The following WDTC1 variants were observed in gnomAD, a reference collection of about 807,000 sequenced individuals.
The protein encoded by WDTC1 is WD and tetratricopeptide repeats protein 1.
WDTC1 carries 12 observed loss-of-function variants against 76.0 expected under a neutral mutation model. The observed-to-expected ratio is 0.16, with a 90% CI of 0.10 to 0.26. The LOEUF (loss-of-function observed/expected upper bound fraction) is 0.26, where lower values mean the gene tolerates loss of function less well. WDTC1 is among the 10% of genes least tolerant of loss of function. WDTC1 has a pLI of 1.00. For synonymous variants in WDTC1, 326 were observed against 350.8 expected (o/e 0.93, Z 0.79); for missense variants, 511 against 908.8 (o/e 0.56, Z 5.63).
intron 1 of WDTC1, 70 bp from the exon 2 acceptor site, chr1:27,260,886 G>GGGGT: frequency 1.4e-6 from 1 of 727,454 alleles, no homozygotes; most frequent in Non-Finnish European, 2.2e-6. Flanking sequence ...GGCTGTTTTA[G>GGGGT]GGGTGGAATT....
intron 3 of WDTC1, among the ~76,000 whole-genome samples, chr1:27,276,692 CG>C (rs1557494751): frequency 7.0e-6 from 1 of 142,428 alleles, no homozygotes; most frequent in African/African-American, 2.6e-5. Context: ...GACTTCGTCT[CG>C]AAAAAAAAAA....
chr1:27,308,174 C>T lies in WDTC1; in HGVS notation c.*1791C>T, dbSNP rs1177962941. 2.0e-5 allele frequency: 3 copies of T among 152,206 alleles called. No individual in the cohort carries two copies. Among genetic ancestry groups the T allele is most frequent in the East Asian group, 1.9e-4 (1 of 5,184 alleles). The allele number at this position is 152,206 out of a possible 1,614,324, so 9.4% of individuals were successfully genotyped here. On this transcript the variant is annotated 3_prime_UTR_variant, in exon 16 of 16. Coordinates refer to ENST00000319394, the MANE Select transcript of WDTC1 (RefSeq NM_001276252.2). The stretch of plus-strand genomic sequence containing the variant: ...CTTACTGTCCTCTGGGGGCAGGAGC[C>T]GAGCCTTTTTGTTGCTCCGCTCCCA...
chr1:27,256,704 A>G (rs375154312), intron 1 of WDTC1, among the ~76,000 whole-genome samples: 2 of 152,260 alleles, frequency 1.3e-5, no homozygotes, highest in South Asian at 2.1e-4. Flanking sequence ...GAGCAAGGAC[A>G]TTGCCTGTTT....
intron 2 of WDTC1, among the ~76,000 whole-genome samples, chr1:27,262,823 A>G (rs576565167): frequency 6.6e-6 from 1 of 151,962 alleles, no homozygotes; most frequent in Admixed American, 6.6e-5. Context: ...TTTGTGTGCA[A>G]TATGTGTCCT....
intron 3 of WDTC1, among the ~76,000 whole-genome samples, chr1:27,281,937 G>A (rs1465566077): frequency 6.6e-6 from 1 of 152,090 alleles, no homozygotes; most frequent in East Asian, 1.9e-4. Flanking sequence ...AATGTGTTTG[G>A]ATCTCACTTT....
At chr1:27,270,919 C>T (rs555394570) in intron 3 of WDTC1, among the ~76,000 whole-genome samples, 1 of 152,218 alleles carries the variant, frequency 6.6e-6, no homozygotes, top group Admixed American at 6.5e-5. Flanking sequence ...ATCATTCTAA[C>T]TAGTGAAAAG....
rs746727595 is a variant in WDTC1 at position 27,294,009 on chromosome 1, TC to T, written c.663-11del. 1.2e-6 allele frequency: 2 copies of T among 1,613,250 alleles called. No individual in the cohort carries two copies. The highest frequency in any genetic ancestry group is 8.5e-7 in the Non-Finnish European group (1 of 1,179,540). On this transcript the variant is annotated splice_polypyrimidine_tract_variant and intron_variant, in intron 7 of 15. Coordinates refer to ENST00000319394, the MANE Select transcript of WDTC1 (RefSeq NM_001276252.2). ...GCTGTAACTTTAACCTATATGATTT[TC>T]CTTCCCACCAGAAAGAGCATGAAGC...
chr1:27,296,260 C>G, intron 9 of WDTC1, 66 bp from the exon 10 acceptor site: 1 of 1,585,990 alleles, frequency 6.3e-7, no homozygotes, highest in African/African-American at 1.3e-5. Context: ...CCAAGACCTG[C>G]TTACTGGTTC....
intron 6 of WDTC1, among the ~76,000 whole-genome samples, chr1:27,289,060 G>A (rs895765777): frequency 2.7e-5 from 4 of 148,176 alleles, no homozygotes; most frequent in African/African-American, 7.4e-5. Flanking sequence ...TCCCGGACGG[G>A]GCGGCTGGCC....
At chr1:27,234,512 G>C, upstream of WDTC1, 1 of 355,932 alleles carries the variant, frequency 2.8e-6, no homozygotes, top group Non-Finnish European at 5.0e-6. Flanking sequence ...GGGCGCGGGG[G>C]GGTAAGTGGG....
intron 3 of WDTC1, among the ~76,000 whole-genome samples, chr1:27,268,624 G>A (rs1440113615): frequency 1.3e-5 from 2 of 151,958 alleles, no homozygotes; most frequent in Middle Eastern, 3.4e-3. Flanking sequence ...TCACCATGTT[G>A]GTCAGGCTGG....
At chr1:27,289,047 C>T (rs1470976891) in intron 6 of WDTC1, among the ~76,000 whole-genome samples, 26 of 148,748 alleles carry the variant, frequency 1.7e-4, no homozygotes, top group Admixed American at 1.3e-3. Context: ...CCCCCCACCT[C>T]CCTCCCGGAC....
At chr1:27,278,303 A>G (rs1290249047) in intron 3 of WDTC1, among the ~76,000 whole-genome samples, 2 of 152,050 alleles carry the variant, frequency 1.3e-5, no homozygotes, top group Non-Finnish European at 2.9e-5. Context: ...AAGACCTACA[A>G]TATTTACTAT....
At chr1:27,253,867 C>T (rs2012182941) in intron 1 of WDTC1, among the ~76,000 whole-genome samples, 1 of 152,140 alleles carries the variant, frequency 6.6e-6, no homozygotes, top group African/African-American at 2.4e-5. Context: ...ATCTCTCATT[C>T]ATGTCATTTT....
chr1:27,258,878 C>T (rs1277476174), intron 1 of WDTC1, among the ~76,000 whole-genome samples: 2 of 152,122 alleles, frequency 1.3e-5, no homozygotes, highest in Admixed American at 1.3e-4. Context: ...TAATGACTGG[C>T]AGGGTTGGCA....
chr1:27,297,945 G>A lies in WDTC1; in HGVS notation c.1066G>A (p.Val356Ile), dbSNP rs2013736591. The change falls in exon 12 of 16, where the codon GTA becomes ATA. Residue 356 changes from valine (V) to isoleucine (I), a missense_variant. Transcript: ENST00000319394. ...GCTCTATTTCCCCTGCAGCCCCCAA[G>A]TAGAGCTACCACCATACCTGGAGCG... ...PESRGHVSPQ[V>I]ELPPYLERVK... 6.2e-7 allele frequency: 1 copy of A among 1,610,412 alleles called. No homozygotes were observed.
intron 1 of WDTC1, among the ~76,000 whole-genome samples, chr1:27,255,779 G>C (rs2012257142): frequency 6.6e-6 from 1 of 151,952 alleles, no homozygotes; most frequent in Non-Finnish European, 1.5e-5. Flanking sequence ...ATGTTGGCTG[G>C]GCTGGTCTTG....
In WDTC1 at chr1:27,264,149, A is replaced by G. The variant is rs182854647; in HGVS notation, c.132+914A>G. On this transcript the variant is annotated intron_variant, in intron 3 of 15. Coordinates refer to ENST00000319394, the MANE Select transcript of WDTC1 (RefSeq NM_001276252.2). ...ACTAAAAATACAAAATTAGTCAGGC[A>G]TGGTGGTGCATGCCTGTAATCCCAG... Among the ~76,000 whole-genome samples, 891 of 152,238 alleles carry G rather than the reference A, an allele frequency of 5.9e-3. 4 individuals carry two copies. The highest frequency in any genetic ancestry group is 0.034 in the Middle Eastern group (10 of 294).
At chr1:27,234,453 G>C (rs1283795032), upstream of WDTC1, 1 of 262,818 alleles carries the variant, frequency 3.8e-6, no homozygotes, top group South Asian at 1.7e-4. Flanking sequence ...GCGGTGCGGG[G>C]CTCCCCCACT....
Sources: gnomAD v4.1 joint callset for allele counts (sites outside exome capture counted in the v4.1 genomes callset) on GRCh38, gnomAD v4.1.1 for gene constraint, MANE v1.5 for transcripts, NCBI Gene and HGNC (gene_info 2026-07-23, HGNC 2026-07-21) for gene names.